Variants in NLRP13 observed in about 807,000 individuals in gnomAD.
NLRP13 encodes the protein NACHT, LRR and PYD domains-containing protein 13.
Under a neutral mutation model 94.4 loss-of-function variants are expected in NLRP13, and 82 were observed. That is an observed-to-expected ratio of 0.87 (90% confidence interval 0.73 to 1.04). The LOEUF (loss-of-function observed/expected upper bound fraction) is 1.04. Among genes scored for constraint, NLRP13 ranks in the 50% least tolerant of loss-of-function variants. NLRP13 has a pLI of 0.00. For synonymous variants in NLRP13, 553 were observed against 464.7 expected, an observed-to-expected ratio of 1.19 and a Z score of -2.45; for missense variants, 1,426 against 1,230.8, an observed-to-expected ratio of 1.16 and a Z score of -2.37.
intron 4 of NLRP13, among the ~76,000 whole-genome samples, chr19:55,917,583 C>T (rs2123132694): frequency 6.6e-6 from 1 of 151,874 alleles, no homozygotes; most frequent in East Asian, 1.9e-4. Context: ...AAAAAGATTC[C>T]ACTTTTCCCC....
At chr19:55,909,330 C>T (rs1472778858) in intron 6 of NLRP13, among the ~76,000 whole-genome samples, 1 of 152,182 alleles carries the variant, frequency 6.6e-6, no homozygotes, top group African/African-American at 2.4e-5. Flanking sequence ...CACAGCTGTG[C>T]TCCAGCTCCA....
chr19:55,900,049 A>G (rs375811523), intron 9 of NLRP13, among the ~76,000 whole-genome samples: 25 of 151,956 alleles, frequency 1.6e-4, no homozygotes, highest in African/African-American at 5.1e-4. Context: ...AATTTCAAAT[A>G]TTGTCACCAC....
intron 10 of NLRP13, among the ~76,000 whole-genome samples, chr19:55,896,653 C>G (rs1568685205): frequency 6.6e-6 from 1 of 151,096 alleles, no homozygotes; most frequent in Non-Finnish European, 1.5e-5. Flanking sequence ...CCTGTCTCTA[C>G]TACAAAAAAT....
intron 1 of NLRP13, among the ~76,000 whole-genome samples, chr19:55,929,668 A>C (rs961568397): frequency 1.3e-5 from 2 of 152,164 alleles, no homozygotes; most frequent in African/African-American, 4.8e-5. Flanking sequence ...AGAAATACCT[A>C]ATGTACATGA....
intron 1 of NLRP13, among the ~76,000 whole-genome samples, chr19:55,925,546 G>T (rs1986947561): frequency 6.6e-6 from 1 of 152,126 alleles, no homozygotes; most frequent in African/African-American, 2.4e-5. Flanking sequence ...ACACAGAGAA[G>T]CCACTCTAAT....
At chr19:55,908,704 T>C (rs2868045) in intron 6 of NLRP13, among the ~76,000 whole-genome samples, 75,729 of 152,008 alleles carry the variant, frequency 0.5, 19,322 homozygotes, top group African/African-American at 0.61. Context: ...TCCTCACTTA[T>C]AAGTGGGAGC....
intron 9 of NLRP13, among the ~76,000 whole-genome samples, chr19:55,899,758 C>T (rs911208106): frequency 2.6e-5 from 4 of 152,016 alleles, no homozygotes; most frequent in East Asian, 1.9e-4. Context: ...CCAGCCTGGG[C>T]GACAGAGCAA....
At chr19:55,918,632 A>G (rs1439754689) in intron 4 of NLRP13, among the ~76,000 whole-genome samples, 1 of 152,124 alleles carries the variant, frequency 6.6e-6, no homozygotes, top group Non-Finnish European at 1.5e-5. Flanking sequence ...GAAGAAATAG[A>G]TAAATTTCTG....
chr19:55,892,158 A>C (rs1322820258), downstream of NLRP13: 1 of 1,230,010 alleles, frequency 8.1e-7, no homozygotes, highest in African/African-American at 1.6e-5. Context: ...AGAAGCAGTG[A>C]AGAAGTTTAG....
chr19:55,912,450 T>C lies in NLRP13; in HGVS notation c.1367A>G (p.Tyr456Cys), dbSNP rs1387070381. Residue 456 changes from tyrosine (Y) to cysteine (C), a missense_variant, in exon 5 of 11, where the codon TAT becomes TGT. Physicochemically the swap from Tyr to Cys is radical, Grantham distance 194. Transcript: ENST00000342929. ...QSITQTTTSL[Y>C]AYFFSNLFST... ...GAACAAGTTGGAGAAAAAATAGGCA[T>C]ACAGACTGGTGGTAGTCTGAGTGAT... 7 of 1,614,064 alleles carry C rather than the reference T, an allele frequency of 4.3e-6. No individual in the cohort carries two copies. The South Asian group carries it at 4.4e-5, about 10-fold the overall frequency.
At chr19:55,898,695 A>G (rs921025906) in intron 10 of NLRP13, 75 bp downstream of exon 10, 4 of 1,421,228 alleles carry the variant, frequency 2.8e-6, no homozygotes, top group South Asian at 1.4e-5. Flanking sequence ...CTAACCCCCG[A>G]TGGGATCCGA....
intron 4 of NLRP13, among the ~76,000 whole-genome samples, chr19:55,923,398 G>A (rs1162645704): frequency 6.6e-6 from 1 of 152,198 alleles, no homozygotes; most frequent in African/African-American, 2.4e-5. Flanking sequence ...CTGGGGCAAA[G>A]GCCAAGTAGT....
At chr19:55,913,730 A>C (rs1432136392) in intron 4 of NLRP13, among the ~76,000 whole-genome samples, 2 of 151,968 alleles carry the variant, frequency 1.3e-5, no homozygotes, top group Admixed American at 1.3e-4. Context: ...AATGGAGAAG[A>C]ATCATCAGAA....
chr19:55,920,858 A>T (rs781591961), intron 4 of NLRP13, among the ~76,000 whole-genome samples: 2 of 152,182 alleles, frequency 1.3e-5, no homozygotes, highest in Non-Finnish European at 2.9e-5. Context: ...CTAAATGTCC[A>T]TTAATGGATG....
chr19:55,893,958 G>A (rs1162961045), downstream of NLRP13, among the ~76,000 whole-genome samples: 1 of 151,876 alleles, frequency 6.6e-6, no homozygotes, highest in Non-Finnish European at 1.5e-5. Flanking sequence ...TCCTAAAGTA[G>A]GCAAGGTTCC....
chr19:55,892,460 C>T (rs192713039), downstream of NLRP13, among the ~76,000 whole-genome samples: 2 of 152,258 alleles, frequency 1.3e-5, no homozygotes, highest in East Asian at 1.9e-4. Context: ...GTCACTTTGT[C>T]ACCCAGGCTG....
chr19:55,901,359 G>T (rs1291570216), intron 9 of NLRP13, among the ~76,000 whole-genome samples: 1 of 152,178 alleles, frequency 6.6e-6, no homozygotes, highest in Non-Finnish European at 1.5e-5. Flanking sequence ...GACCTGATTG[G>T]CTAAACGTTT....
chr19:55,897,752 G>A (rs1215322442), intron 10 of NLRP13, among the ~76,000 whole-genome samples: 1 of 152,158 alleles, frequency 6.6e-6, no homozygotes, highest in African/African-American at 2.4e-5. Flanking sequence ...AATGTGTGGT[G>A]TCTATATAGT....
chr19:55,917,848 C>G (rs976217093), intron 4 of NLRP13, among the ~76,000 whole-genome samples: 84 of 152,120 alleles, frequency 5.5e-4, no homozygotes, highest in African/African-American at 1.9e-3. Context: ...CAGCACTAGA[C>G]AGATCATCAA....
Sources: allele counts gnomAD v4.1 joint callset (sites outside exome capture counted in the v4.1 genomes callset), GRCh38; gene constraint gnomAD v4.1.1; transcripts MANE v1.5; gene names NCBI Gene and HGNC (gene_info 2026-07-23, HGNC 2026-07-21).